Variants in UPF3A observed in about 807,000 individuals in gnomAD.
UPF3A encodes the protein UPF3A regulator of nonsense mediated mRNA decay.
UPF3A carries 42 observed loss-of-function variants against 53.5 expected under a neutral mutation model. The observed-to-expected ratio is 0.78, with a 90% CI of 0.61 to 1.01. The LOEUF is 1.01. Ranked by LOEUF, UPF3A falls within the 50% of genes least tolerant of loss-of-function variation. The pLI, the probability that UPF3A is intolerant of heterozygous loss-of-function variation, is 0.00. For missense variants in UPF3A, 575 were observed against 598.0 expected, an observed-to-expected ratio of 0.96 and a Z score of 0.40; for synonymous variants, 237 against 225.3, an observed-to-expected ratio of 1.05 and a Z score of -0.47.
intron 8 of UPF3A, 104 bp downstream of exon 8, chr13:114,299,104 A>G: frequency 3.2e-6 from 4 of 1,246,722 alleles, no homozygotes; most frequent in Non-Finnish European, 4.2e-6. Flanking sequence ...GGAATCCAAG[A>G]CTTTCCAGGG....
At position 114,282,016 on chromosome 13, in the gene UPF3A, C is replaced by T. The variant is rs185988759; in HGVS notation, c.208-5C>T. 5.5e-5 allele frequency: 86 copies of T among 1,549,652 alleles called. No individual in the cohort carries two copies. In the Middle Eastern group the frequency reaches 1.6e-3, roughly 29 times the overall value. On this transcript the variant is annotated splice_polypyrimidine_tract_variant and splice_region_variant and intron_variant, in intron 1 of 9. Coordinates refer to ENST00000375299, the MANE Select transcript of UPF3A (RefSeq NM_023011.4). ...CCGGTGGGAACGGCCGCGCGCTCCC[C>T]GCAGGTGGTCATCCGCCGCCTGCCT...
chr13:114,286,754 A>G lies in UPF3A; in HGVS notation c.631+125A>G, dbSNP rs369215158. 4.0e-6 allele frequency: 3 copies of G among 756,384 alleles called. No homozygotes were observed. In the South Asian group the frequency reaches 6.2e-5, roughly 16 times the overall value. The allele number at this position is 756,384 out of a possible 1,614,324, so 46.9% of individuals were successfully genotyped here. ...CTTGTTACAGGCTTGACAGAAATGTAGAGTGATTTCCAGTTTTGACAAAAG... is the reference window on the plus strand; with the variant it reads ...CTTGTTACAGGCTTGACAGAAATGTGGAGTGATTTCCAGTTTTGACAAAAG... On this transcript the variant is annotated intron_variant, in intron 5 of 9. Transcript: ENST00000375299.
chr13:114,286,013 C>A lies in UPF3A; in HGVS notation c.422-289C>A, dbSNP rs1339592834. 9 of 351,338 alleles carry A rather than the reference C, an allele frequency of 2.6e-5. No homozygotes were observed. In the East Asian group the frequency reaches 4.0e-4, roughly 15 times the overall value. 21.8% of individuals were successfully genotyped at this position (351,338 alleles called of 1,614,324 possible). ...TTTTGAACAACTTCAGTTATGCAAC[C>A]ACCACAACATGATGGATTGTTTTAG... is the stretch of plus-strand genomic sequence containing the variant. On this transcript the variant is annotated intron_variant, in intron 3 of 9. Coordinates refer to ENST00000375299, the MANE Select transcript of UPF3A (RefSeq NM_023011.4).
At chr13:114,297,765 G>T (rs1247037629) in intron 7 of UPF3A, among the ~76,000 whole-genome samples, 3 of 152,126 alleles carry the variant, frequency 2.0e-5, no homozygotes, top group African/African-American at 7.2e-5. Context: ...GGTGGCAGAG[G>T]TTGCAGTTAG....
At chr13:114,300,573 C>T (rs2086508009) in intron 8 of UPF3A, among the ~76,000 whole-genome samples, 1 of 149,422 alleles carries the variant, frequency 6.7e-6, no homozygotes, top group South Asian at 2.1e-4. Context: ...ACGGAGTTTT[C>T]CTCTTGCCCA....
At chr13:114,293,898 G>A (rs1214829633) in intron 7 of UPF3A, among the ~76,000 whole-genome samples, 1 of 152,116 alleles carries the variant, frequency 6.6e-6, no homozygotes, top group African/African-American at 2.4e-5. Flanking sequence ...AGGGCAGGTG[G>A]ATTGCTCTAG....
At position 114,281,826 on chromosome 13, in the gene UPF3A, A is replaced by G. The variant is rs376489246; in HGVS notation, c.187A>G (p.Lys63Glu). The G allele has an allele frequency of 4.8e-5, 74 of 1,535,040 alleles. No homozygotes were observed. Among genetic ancestry groups the G allele is most frequent in the Non-Finnish European group, 5.3e-5 (60 of 1,138,712 alleles). The change falls in exon 1 of 10, where the codon AAG becomes GAG. Residue 63 changes from lysine (K) to glutamate (E), a missense_variant. Physicochemically the swap from Lys to Glu is moderately conservative, Grantham distance 56. This residue lies in a region of UPF3A where 252 missense variants were observed against 182.7 expected (regional missense o/e 1.38). Coordinates refer to ENST00000375299, the MANE Select transcript of UPF3A (RefSeq NM_023011.4). ...CGGTGCGGGCAAACCTCGCGAGGAG[A>G]AGAGGACGGCCCTGAGCAAGGTGGG... ...GGGAGKPREE[K>E]RTALSKVVIR...
In UPF3A at chr13:114,305,531, C is replaced by T. The variant is rs775773919; in HGVS notation, c.*614C>T. On this transcript the variant is annotated 3_prime_UTR_variant, in exon 10 of 10. Transcript: ENST00000375299. ...CTGACCGGATAGAAACGGTTTCAGT[C>T]TCTGGATGGATGTGTTTGTGGTTTG... is the stretch of plus-strand genomic sequence containing the variant. The T allele has an allele frequency of 7.0e-5, 11 of 157,048 alleles. No homozygotes were observed. The highest frequency in any genetic ancestry group is 4.9e-4 in the Admixed American group (8 of 16,366). The allele number at this position is 157,048 out of a possible 1,614,324, so 9.7% of individuals were successfully genotyped here. A position where few individuals can be genotyped will look rare whatever the true frequency, so the allele number is the denominator to read the frequency against.
In UPF3A at chr13:114,304,955, G is replaced by T. The variant is rs1434359422; in HGVS notation, c.*38G>T. ...ACCTGGCCTCCATGGACGAGCAAGG[G>T]CATCCCAGAAACGTGTAAATGACCC... On this transcript the variant is annotated 3_prime_UTR_variant, in exon 10 of 10. Transcript: ENST00000375299. The T allele has an allele frequency of 3.4e-5, 54 of 1,595,170 alleles. No homozygotes were observed. The highest frequency in any genetic ancestry group is 4.2e-5 in the Non-Finnish European group (49 of 1,171,184).
intron 5 of UPF3A, chr13:114,287,378 T>G (rs2084802234): frequency 1.3e-5 from 2 of 152,250 alleles, no homozygotes; most frequent in African/African-American, 4.8e-5. Flanking sequence ...GATCACAAGG[T>G]CAGGACTTCG....
intron 2 of UPF3A, 66 bp downstream of exon 2, chr13:114,282,193 G>A (rs2084141096): frequency 7.6e-7 from 1 of 1,323,112 alleles, no homozygotes; most frequent in African/African-American, 1.5e-5. Context: ...TGGCCGTCTC[G>A]TTGCCTTACG....
intron 3 of UPF3A, among the ~76,000 whole-genome samples, chr13:114,284,792 C>T (rs1202623424): frequency 2.0e-5 from 3 of 151,312 alleles, no homozygotes; most frequent in East Asian, 1.9e-4. Context: ...AGGGGCCAGT[C>T]GTCCTTGTTT....
intron 5 of UPF3A, among the ~76,000 whole-genome samples, chr13:114,290,475 C>T (rs760057414): frequency 1.3e-5 from 2 of 152,154 alleles, no homozygotes; most frequent in African/African-American, 2.4e-5. Flanking sequence ...GAGTAGACCC[C>T]GTCTTCCCCC....
chr13:114,283,770 T>G (rs2084371510), intron 3 of UPF3A: 2 of 985,468 alleles, frequency 2.0e-6, no homozygotes, highest in Non-Finnish European at 2.4e-6. Context: ...ATCTTTTTCC[T>G]TCTCTTCTCC....
rs2086453186 is a variant in UPF3A, at chr13:114,300,036, GTGA to G, written c.1007+1042_1007+1044del. Among the ~76,000 whole-genome samples, 5 of 152,230 alleles carry G rather than the reference GTGA, an allele frequency of 3.3e-5. No homozygotes were observed. The South Asian group carries it at 1.0e-3, about 31-fold the overall frequency. ...ATCAAATCCATGATTGTGAAGCACTGTGATGATGTTACCGGTGTTGTTACTGTG... is the reference window on the plus strand; with the variant it reads ...ATCAAATCCATGATTGTGAAGCACTGTGATGTTACCGGTGTTGTTACTGTG... On this transcript the variant is annotated intron_variant, in intron 8 of 9. Coordinates refer to ENST00000375299, the MANE Select transcript of UPF3A (RefSeq NM_023011.4).
At chr13:114,296,247 G>T (rs1430034546) in intron 7 of UPF3A, among the ~76,000 whole-genome samples, 1 of 152,158 alleles carries the variant, frequency 6.6e-6, no homozygotes, top group Non-Finnish European at 1.5e-5. Flanking sequence ...GCCAGGCATG[G>T]TGGCGCATGC....
intron 7 of UPF3A, among the ~76,000 whole-genome samples, chr13:114,296,953 A>T (rs2086099356): frequency 6.6e-6 from 1 of 152,224 alleles, no homozygotes; most frequent in South Asian, 2.1e-4. Context: ...TTTATAAAAG[A>T]TGGGCAGTTA....
rs564771391 is a variant in UPF3A at position 114,298,987 on chromosome 13, G to C, written c.994G>C (p.Glu332Gln). The C allele has an allele frequency of 1.0e-5, 16 of 1,598,618 alleles. No homozygotes were observed. In the South Asian group the frequency reaches 1.7e-4, roughly 17 times the overall value. ...CAGGCCCATGGAAGGCTCGCTGGAGGAGCCCCAGGAGACGTGAGCGTGCTT... is the reference window on the plus strand; with the variant it reads ...CAGGCCCATGGAAGGCTCGCTGGAGCAGCCCCAGGAGACGTGAGCGTGCTT... ...KARPMEGSLEEPQETSHSGSD... is the reference protein window; with the variant it reads ...KARPMEGSLEQPQETSHSGSD... The change falls in exon 8 of 10, where the codon GAG (glutamate) becomes CAG (glutamine). Residue 332 changes from glutamate to glutamine, a missense_variant. Glu to Gln is a conservative substitution (Grantham distance 29). Around this residue, in one of 2 missense-constraint regions of UPF3A, gnomAD observed 323 missense variants for 415.2 expected, o/e 0.78. Coordinates refer to ENST00000375299, the MANE Select transcript of UPF3A (RefSeq NM_023011.4).
intron 5 of UPF3A, among the ~76,000 whole-genome samples, chr13:114,290,755 CAG>C (rs1005696064): frequency 1.5e-5 from 2 of 135,332 alleles, no homozygotes; most frequent in African/African-American, 5.6e-5. Context: ...TTTTTTGAGG[CAG>C]AGTTTCGCTG....
Sources: allele counts gnomAD v4.1 joint callset (sites outside exome capture counted in the v4.1 genomes callset), GRCh38; gene constraint gnomAD v4.1.1; regional missense constraint gnomAD v4.1.1; transcripts MANE v1.5; gene names NCBI Gene and HGNC (gene_info 2026-07-23, HGNC 2026-07-21).